Variants in GSK3B observed in about 807,000 individuals in gnomAD.
GSK3B encodes the protein glycogen synthase kinase-3 beta.
A neutral mutation model predicts 56.4 loss-of-function variants in GSK3B; 15 were observed. The ratio of observed to expected loss-of-function variants is 0.27; its 90% CI spans 0.18 to 0.41. The LOEUF is 0.41. GSK3B is among the 10% of genes least tolerant of loss of function. GSK3B has a pLI of 1.00. For synonymous variants in GSK3B, 181 were observed against 188.9 expected, an observed-to-expected ratio of 0.96 and a Z score of 0.34; for missense variants, 300 against 513.4, an observed-to-expected ratio of 0.58 and a Z score of 4.02.
intron 7 of GSK3B, among the ~76,000 whole-genome samples, chr3:119,882,632 C>T (rs1336350371): frequency 1.3e-5 from 2 of 152,138 alleles, no homozygotes; most frequent in Non-Finnish European, 2.9e-5. Flanking sequence ...ATGTTTTTTA[C>T]ATACCTTGAA....
chr3:119,940,692 G>C (rs946338034), intron 3 of GSK3B, among the ~76,000 whole-genome samples: 21 of 152,170 alleles, frequency 1.4e-4, no homozygotes, highest in Non-Finnish European at 2.5e-4. Flanking sequence ...TGATGGTTCT[G>C]TTTTATCTTT....
intron 7 of GSK3B, among the ~76,000 whole-genome samples, chr3:119,887,390 A>C (rs899709535): frequency 2.6e-5 from 4 of 152,140 alleles, no homozygotes; most frequent in African/African-American, 9.6e-5. Context: ...AATGACAGAG[A>C]AGACAGAATT....
rs1282014304 is a variant in GSK3B at position 119,933,643 on chromosome 3, G to A, written c.367-10160C>T. On this transcript the variant is annotated intron_variant, in intron 3 of 10. Transcript: ENST00000264235. ...TGTAATCCCAGCACTTTGGGAGGCC[G>A]AGGTGGGTGGATCACCTGAGGTCAG... 1.2e-4 allele frequency among the ~76,000 whole-genome samples: 18 copies of A among 152,006 alleles called. 1 individual carries two copies. Among genetic ancestry groups the A allele is most frequent in the Admixed American group, 1.1e-3 (17 of 15,270 alleles).
intron 6 of GSK3B, among the ~76,000 whole-genome samples, chr3:119,909,190 TG>T: frequency 6.6e-6 from 1 of 152,224 alleles, no homozygotes. Flanking sequence ...GGCTAATTTT[TG>T]GTAGTGACAG....
At chr3:119,991,576 T>C (rs550713365) in intron 2 of GSK3B, among the ~76,000 whole-genome samples, 2 of 150,434 alleles carry the variant, frequency 1.3e-5, no homozygotes, top group Non-Finnish European at 2.9e-5. Context: ...GTTTATTTAA[T>C]TGAACAAGGA....
chr3:119,841,607 T>C (rs1225443856), intron 10 of GSK3B, among the ~76,000 whole-genome samples: 1 of 152,220 alleles, frequency 6.6e-6, no homozygotes, highest in Non-Finnish European at 1.5e-5. Context: ...TTCAGCACAC[T>C]TTCTCAATCT....
intron 1 of GSK3B, among the ~76,000 whole-genome samples, chr3:120,020,584 CCAAT>C (rs1236378505): frequency 1.3e-5 from 2 of 152,172 alleles, no homozygotes; most frequent in African/African-American, 2.4e-5. Context: ...GACTGCTCCA[CCAAT>C]CAGTTGTTTC....
chr3:119,851,238 C>T (rs1406386050), intron 9 of GSK3B, among the ~76,000 whole-genome samples: 1 of 152,144 alleles, frequency 6.6e-6, no homozygotes, highest in Non-Finnish European at 1.5e-5. Context: ...CTAAATTTTG[C>T]TGCATTGTTT....
At chr3:119,925,997 T>C (rs934193557) in intron 3 of GSK3B, among the ~76,000 whole-genome samples, 1 of 152,166 alleles carries the variant, frequency 6.6e-6, no homozygotes, top group Non-Finnish European at 1.5e-5. Flanking sequence ...TAGGACACTA[T>C]ACTTTTTTGG....
intron 3 of GSK3B, among the ~76,000 whole-genome samples, chr3:119,942,306 T>G (rs956039910): frequency 6.6e-6 from 1 of 152,168 alleles, no homozygotes; most frequent in Non-Finnish European, 1.5e-5. Context: ...ATTTTTATTT[T>G]TTATTTTTTG....
chr3:119,944,887 G>T (rs1002487831), intron 3 of GSK3B, among the ~76,000 whole-genome samples: 5 of 152,104 alleles, frequency 3.3e-5, no homozygotes, highest in African/African-American at 9.7e-5. Context: ...CATCTTCAAG[G>T]ATTTGCAAGA....
intron 7 of GSK3B, among the ~76,000 whole-genome samples, chr3:119,890,496 T>C (rs1229423222): frequency 2.0e-5 from 3 of 151,988 alleles, no homozygotes; most frequent in Non-Finnish European, 4.4e-5. Flanking sequence ...CAAAGGAGAA[T>C]GAACAGGGTG....
chr3:119,907,379 C>G (rs963557738), intron 6 of GSK3B, among the ~76,000 whole-genome samples: 4 of 152,144 alleles, frequency 2.6e-5, no homozygotes, highest in African/African-American at 9.6e-5. Flanking sequence ...AAGGAATACT[C>G]TTGCCTAGAA....
At chr3:119,941,537 T>C (rs796294435) in intron 3 of GSK3B, among the ~76,000 whole-genome samples, 55 of 152,310 alleles carry the variant, frequency 3.6e-4, no homozygotes, top group African/African-American at 1.3e-3. Context: ...TTGTATCAGT[T>C]TCTTCTATAA....
chr3:120,029,703 G>C (rs766637136), intron 1 of GSK3B: 28 of 532,908 alleles, frequency 5.3e-5, no homozygotes, highest in Non-Finnish European at 8.6e-5. Context: ...AATCTTCATG[G>C]GATGGAAATT....
intron 1 of GSK3B, among the ~76,000 whole-genome samples, chr3:120,077,890 C>A (rs989246513): frequency 6.6e-6 from 1 of 152,042 alleles, no homozygotes; most frequent in Non-Finnish European, 1.5e-5. Flanking sequence ...GGAACCTATT[C>A]CCTACTAACT....
intron 3 of GSK3B, among the ~76,000 whole-genome samples, chr3:119,943,364 A>T (rs115559831): frequency 2.8e-3 from 430 of 152,302 alleles, no homozygotes; most frequent in African/African-American, 9.8e-3. Flanking sequence ...AAAATATTAT[A>T]TAGTATAACA....
At chr3:119,920,262 T>C (rs1049099139) in intron 4 of GSK3B, among the ~76,000 whole-genome samples, 7 of 152,104 alleles carry the variant, frequency 4.6e-5, no homozygotes, top group African/African-American at 1.7e-4. Context: ...TTTTTTGAGA[T>C]GAAGTCTTGC....
At chr3:120,039,189 A>C (rs1027332862) in intron 1 of GSK3B, among the ~76,000 whole-genome samples, 4 of 152,224 alleles carry the variant, frequency 2.6e-5, no homozygotes, top group East Asian at 1.9e-4. Flanking sequence ...AACACTGACA[A>C]CACCAAAAGC....
Sources: allele counts gnomAD v4.1 joint callset (sites outside exome capture counted in the v4.1 genomes callset), GRCh38; gene constraint gnomAD v4.1.1; transcripts MANE v1.5; gene names NCBI Gene and HGNC (gene_info 2026-07-23, HGNC 2026-07-21).